TENM3: variants seen among roughly 807,000 people sequenced by gnomAD.
TENM3 encodes the protein teneurin transmembrane protein 3.
In TENM3, 63 loss-of-function variants were observed where a neutral mutation model predicts 255.1. The ratio of observed to expected loss-of-function variants is 0.25; its 90% CI spans 0.20 to 0.30. TENM3 has a LOEUF of 0.30. Ranked by LOEUF, TENM3 falls within the 10% of genes least tolerant of loss-of-function variation. The pLI is 1.00. For synonymous variants in TENM3, 1,306 were observed against 1,322.3 expected, an observed-to-expected ratio of 0.99 and a Z score of 0.27; for missense variants, 2,929 against 3,461.1, an observed-to-expected ratio of 0.85 and a Z score of 3.86.
the TENM3 span, among the ~76,000 whole-genome samples, chr4:181,995,844 C>T: frequency 3.9e-5 from 6 of 152,026 alleles, no homozygotes; most frequent in African/African-American, 1.4e-4. Context: ...TCAGATGTGG[C>T]CCAGATTTCA....
chr4:182,194,028 A>C (rs1753689703), intron 1 of TENM3, among the ~76,000 whole-genome samples: 1 of 152,168 alleles, frequency 6.6e-6, no homozygotes, highest in Non-Finnish European at 1.5e-5. Context: ...AATTAACATA[A>C]TCTATTTTTT....
At chr4:181,486,011 T>A in the TENM3 span, among the ~76,000 whole-genome samples, 73 of 135,238 alleles carry the variant, frequency 5.4e-4, no homozygotes, top group East Asian at 0.012. Flanking sequence ...ATTCAAAAAC[T>A]TGAGAGAAAA....
At chr4:182,718,680 T>A (rs1759407920) in intron 13 of TENM3, among the ~76,000 whole-genome samples, 1 of 152,210 alleles carries the variant, frequency 6.6e-6, no homozygotes. Flanking sequence ...CTTGCCAAAG[T>A]ATAGCCTTTT....
At chr4:182,493,583 TTGAG>T (rs1016252161) in intron 3 of TENM3, among the ~76,000 whole-genome samples, 3 of 152,140 alleles carry the variant, frequency 2.0e-5, no homozygotes, top group African/African-American at 4.8e-5. Context: ...TGATACCACT[TTGAG>T]TGAGACTGTG....
intron 3 of TENM3, among the ~76,000 whole-genome samples, chr4:182,468,937 T>C (rs1732863455): frequency 6.6e-6 from 1 of 151,940 alleles, no homozygotes; most frequent in South Asian, 2.1e-4. Context: ...ATCACTAATT[T>C]ATCTATATTT....
At chr4:181,578,424 G>A in the TENM3 span, among the ~76,000 whole-genome samples, 3 of 152,166 alleles carry the variant, frequency 2.0e-5, no homozygotes, top group African/African-American at 4.8e-5. Flanking sequence ...CCTGGCAAGA[G>A]ACGGAGGAAT....
the TENM3 span, among the ~76,000 whole-genome samples, chr4:181,717,077 T>C: frequency 6.6e-6 from 1 of 152,138 alleles, no homozygotes; most frequent in African/African-American, 2.4e-5. Flanking sequence ...ATATCATGTG[T>C]TAAGGGATGT....
the TENM3 span, among the ~76,000 whole-genome samples, chr4:181,595,623 C>T: frequency 6.6e-6 from 1 of 152,010 alleles, no homozygotes. Context: ...CCCCAAGTGA[C>T]TCATATGTGC....
intron 3 of TENM3, among the ~76,000 whole-genome samples, chr4:182,568,458 G>A (rs1160393618): frequency 1.3e-5 from 2 of 152,332 alleles, no homozygotes; most frequent in Non-Finnish European, 2.9e-5. Context: ...GAAGGTATGA[G>A]TAAGTTTACC....
At chr4:181,812,646 A>G in the TENM3 span, among the ~76,000 whole-genome samples, 1 of 152,134 alleles carries the variant, frequency 6.6e-6, no homozygotes, top group Non-Finnish European at 1.5e-5. Context: ...TTGCAGACAC[A>G]TGAGTATCAT....
the TENM3 span, among the ~76,000 whole-genome samples, chr4:181,731,705 C>T: frequency 1.1e-4 from 16 of 152,150 alleles, no homozygotes; most frequent in South Asian, 1.0e-3. Flanking sequence ...GCTTTTGTCA[C>T]GTGGACTTTT....
chr4:181,773,064 A>G, the TENM3 span, among the ~76,000 whole-genome samples: 1 of 152,150 alleles, frequency 6.6e-6, no homozygotes, highest in African/African-American at 2.4e-5. Context: ...TTTGGCTCTC[A>G]TCTGACACAG....
the TENM3 span, among the ~76,000 whole-genome samples, chr4:182,072,220 TAC>T: frequency 2.6e-5 from 4 of 152,322 alleles, no homozygotes; most frequent in East Asian, 7.7e-4. Context: ...CTCTCACCCA[TAC>T]AGATACTAGC....
the TENM3 span, among the ~76,000 whole-genome samples, chr4:181,514,281 T>C: frequency 6.6e-6 from 1 of 152,262 alleles, no homozygotes; most frequent in East Asian, 1.9e-4. Context: ...GTAAAAAGTT[T>C]TTAAAAAAAA....
At chr4:181,671,092 C>T in the TENM3 span, among the ~76,000 whole-genome samples, 69 of 152,126 alleles carry the variant, frequency 4.5e-4, no homozygotes, top group Middle Eastern at 3.4e-3. Context: ...TAATGTTCCC[C>T]GTGAAAGTAA....
intron 4 of TENM3, among the ~76,000 whole-genome samples, chr4:182,616,577 A>G (rs1259048049): frequency 9.0e-6 from 1 of 111,546 alleles, no homozygotes; most frequent in East Asian, 6.8e-4. Context: ...AACACAGTGA[A>G]AAAAAAAAAA....
chr4:181,636,642 C>G, the TENM3 span, among the ~76,000 whole-genome samples: 1 of 152,164 alleles, frequency 6.6e-6, no homozygotes, highest in Non-Finnish European at 1.5e-5. Context: ...CACACTCCAC[C>G]CACTTCTCCC....
the TENM3 span, among the ~76,000 whole-genome samples, chr4:181,940,075 C>T: frequency 2.0e-5 from 3 of 152,170 alleles, no homozygotes; most frequent in South Asian, 6.2e-4. Flanking sequence ...TTTTGCTGCA[C>T]TATTTTGAAG....
chr4:181,550,441 A>G, the TENM3 span, among the ~76,000 whole-genome samples: 1 of 152,188 alleles, frequency 6.6e-6, no homozygotes, highest in South Asian at 2.1e-4. Flanking sequence ...CAAAAGAACT[A>G]AATAAGCACA....
Sources: allele counts gnomAD v4.1 joint callset (sites outside exome capture counted in the v4.1 genomes callset), GRCh38; gene constraint gnomAD v4.1.1; transcripts MANE v1.5; gene names NCBI Gene and HGNC (gene_info 2026-07-23, HGNC 2026-07-21).